Variants in PTPRR observed in about 807,000 individuals in gnomAD.
PTPRR encodes protein tyrosine phosphatase receptor type R, also known as receptor-type tyrosine-protein phosphatase R.
In PTPRR, 38 loss-of-function variants were observed where a neutral mutation model predicts 77.2. The observed-to-expected ratio is 0.49, with a 90% CI of 0.38 to 0.65. The LOEUF is 0.65. PTPRR is among the 30% of genes least tolerant of loss of function. The pLI is 0.00. For missense variants in PTPRR, 744 were observed against 799.2 expected (o/e 0.93, Z 0.83); for synonymous variants, 299 against 283.1 (o/e 1.06, Z -0.57).
At chr12:70,730,538 G>A (rs905307710) in intron 6 of PTPRR, among the ~76,000 whole-genome samples, 1 of 150,920 alleles carries the variant, frequency 6.6e-6, no homozygotes, top group Non-Finnish European at 1.5e-5. Flanking sequence ...AAAAAAAAAA[G>A]GTAGAAATCA....
intron 2 of PTPRR, among the ~76,000 whole-genome samples, chr12:70,868,609 C>T (rs1892902686): frequency 6.6e-6 from 1 of 151,968 alleles, no homozygotes; most frequent in Non-Finnish European, 1.5e-5. Flanking sequence ...CTAGTTCAAC[C>T]CTTGTGGAAG....
chr12:70,745,708 G>T, intron 6 of PTPRR, 110 bp downstream of exon 6: 1 of 1,266,460 alleles, frequency 7.9e-7, no homozygotes, highest in Non-Finnish European at 1.1e-6. Context: ...CCATTTAGTG[G>T]TGAACAATTC....
chr12:70,843,269 T>A (rs545315908), intron 2 of PTPRR, among the ~76,000 whole-genome samples: 1 of 152,328 alleles, frequency 6.6e-6, no homozygotes, highest in South Asian at 2.1e-4. Flanking sequence ...GCTCTCTGGT[T>A]ATGGTTCCTC....
chr12:70,670,849 G>A (rs545490052), intron 10 of PTPRR, among the ~76,000 whole-genome samples: 1 of 152,116 alleles, frequency 6.6e-6, no homozygotes, highest in African/African-American at 2.4e-5. Flanking sequence ...CTAAATGAAG[G>A]AACTCAAACT....
At chr12:70,724,718 A>C (rs1437744588) in intron 6 of PTPRR, among the ~76,000 whole-genome samples, 1 of 151,978 alleles carries the variant, frequency 6.6e-6, no homozygotes, top group Non-Finnish European at 1.5e-5. Context: ...CTCCTGCTGC[A>C]ATTGCTATCA....
chr12:70,725,841 C>T (rs1165561758), intron 6 of PTPRR, among the ~76,000 whole-genome samples: 1 of 152,020 alleles, frequency 6.6e-6, no homozygotes, highest in Non-Finnish European at 1.5e-5. Context: ...GACATACAGG[C>T]CAATATTTCT....
chr12:70,757,292 AT>A (rs1475909012), intron 4 of PTPRR, among the ~76,000 whole-genome samples: 1 of 152,196 alleles, frequency 6.6e-6, no homozygotes, highest in Admixed American at 6.5e-5. Context: ...GAAATATAAG[AT>A]TTGGAAACTG....
At chr12:70,872,149 TA>T (rs1377477821) in intron 2 of PTPRR, among the ~76,000 whole-genome samples, 2 of 152,192 alleles carry the variant, frequency 1.3e-5, no homozygotes, top group Admixed American at 1.3e-4. Context: ...GTTCATTCTG[TA>T]AAAGGCCATC....
rs557841392 is a variant in PTPRR, at chr12:70,858,107, G to A, written c.357+34572C>T. Among the ~76,000 whole-genome samples, 8 of 152,176 alleles carry A rather than the reference G, an allele frequency of 5.3e-5. No individual in the cohort carries two copies. In the East Asian group the frequency reaches 1.4e-3, roughly 26 times the overall value. ...CCATTCCTGTCCATTGAGAGATTCC[G>A]CTTATGGCCAGTTTTTGCTCTTTGG... On this transcript the variant is annotated intron_variant, in intron 2 of 13. Coordinates refer to ENST00000283228, the MANE Select transcript of PTPRR (RefSeq NM_002849.4).
chr12:70,808,068 A>C (rs1469258385), intron 2 of PTPRR, among the ~76,000 whole-genome samples: 1 of 152,068 alleles, frequency 6.6e-6, no homozygotes, highest in Non-Finnish European at 1.5e-5. Flanking sequence ...GCCCTGGGAA[A>C]AGAATGCATT....
At position 70,662,572 on chromosome 12, in the gene PTPRR, T is replaced by A. The variant is rs767133519; in HGVS notation, c.1531A>T (p.Ile511Leu). The A allele has an allele frequency of 6.2e-7, 1 of 1,612,100 alleles. No individual in the cohort carries two copies. The highest frequency in any genetic ancestry group is 2.2e-5 in the East Asian group (1 of 44,732). ...CVLYWPEKRG[I>L]YGKVEVLVIS... is the part of the protein sequence containing the mutation. ...ACCAGAACCTCAACTTTTCCATATA[T>A]CCCTCTCTTTTCCGGCCAGTATAGC... The change falls in exon 11 of 14, where the codon ATA (isoleucine) becomes TTA (leucine). Residue 511 changes from isoleucine (I) to leucine (L), a missense_variant. By Grantham distance (5) the Ile-to-Leu change is conservative. Transcript: ENST00000283228.
chr12:70,723,170 G>A lies in PTPRR; in HGVS notation c.1008-21847C>T, dbSNP rs79353654. ...CAACCAGGGTTTCCTGTCACCTTGG[G>A]AACAAAATTGATTGGCACTGGTTTC... On this transcript the variant is annotated intron_variant, in intron 6 of 13. Coordinates refer to ENST00000283228, the MANE Select transcript of PTPRR (RefSeq NM_002849.4). Among the ~76,000 whole-genome samples, 1,336 of 152,214 alleles carry A rather than the reference G, an allele frequency of 8.8e-3. 13 individuals carry two copies. The highest frequency in any genetic ancestry group is 0.03 in the African/African-American group (1,259 of 41,530).
chr12:70,658,101 T>C (rs993256866), intron 12 of PTPRR, among the ~76,000 whole-genome samples: 1 of 152,224 alleles, frequency 6.6e-6, no homozygotes, highest in African/African-American at 2.4e-5. Context: ...TGAATGTGAC[T>C]AACTTTCAAG....
intron 10 of PTPRR, among the ~76,000 whole-genome samples, chr12:70,665,485 G>A (rs1430269223): frequency 7.5e-6 from 1 of 133,654 alleles, no homozygotes; most frequent in Non-Finnish European, 1.5e-5. Context: ...GGGTTCAAGC[G>A]ATTCTCCCGC....
At chr12:70,791,111 C>T (rs1219366710) in intron 2 of PTPRR, among the ~76,000 whole-genome samples, 1 of 152,116 alleles carries the variant, frequency 6.6e-6, no homozygotes, top group Non-Finnish European at 1.5e-5. Flanking sequence ...ATTTTTGAAA[C>T]CATAAATTAG....
chr12:70,710,299 G>A (rs1009171780), intron 6 of PTPRR, among the ~76,000 whole-genome samples: 23 of 152,108 alleles, frequency 1.5e-4, no homozygotes, highest in Non-Finnish European at 2.8e-4. Context: ...CAAGCAATGG[G>A]AAAGTATTCC....
intron 4 of PTPRR, among the ~76,000 whole-genome samples, chr12:70,758,381 T>C (rs1890610431): frequency 6.8e-6 from 1 of 146,558 alleles, no homozygotes. Context: ...GCTCTTTTTG[T>C]ATAGGGAGCT....
chr12:70,716,224 T>C (rs1889023393), intron 6 of PTPRR, among the ~76,000 whole-genome samples: 1 of 152,068 alleles, frequency 6.6e-6, no homozygotes, highest in African/African-American at 2.4e-5. Context: ...ATTCTAGACA[T>C]GCTAGAAAAC....
intron 2 of PTPRR, among the ~76,000 whole-genome samples, chr12:70,774,683 GC>G (rs1185410180): frequency 6.6e-6 from 1 of 152,026 alleles, no homozygotes; most frequent in Non-Finnish European, 1.5e-5. Flanking sequence ...AAATAGTGAT[GC>G]TAAAATATAG....
Sources: gnomAD v4.1 joint callset for allele counts (sites outside exome capture counted in the v4.1 genomes callset) on GRCh38, gnomAD v4.1.1 for gene constraint, MANE v1.5 for transcripts, NCBI Gene and HGNC (gene_info 2026-07-23, HGNC 2026-07-21) for gene names.